Variants in IGSF10 observed in about 807,000 individuals in gnomAD.
The protein encoded by IGSF10 is immunoglobulin superfamily member 10.
In IGSF10, 126 loss-of-function variants were observed where a neutral mutation model predicts 128.2. The observed-to-expected ratio is 0.98, with a 90% CI of 0.85 to 1.14. The LOEUF is 1.14. Among genes scored for constraint, IGSF10 ranks in the 50% most tolerant of loss-of-function variants. The pLI, the probability that IGSF10 is intolerant of heterozygous loss-of-function variation, is 0.00. For synonymous variants in IGSF10, 1,185 were observed against 1,146.2 expected, an observed-to-expected ratio of 1.03 and a Z score of -0.68; for missense variants, 3,295 against 3,149.8, an observed-to-expected ratio of 1.05 and a Z score of -1.10.
chr3:151,445,406 G>A lies in IGSF10; in HGVS notation c.4575C>T (p.Ser1525=), dbSNP rs201949963. 1.6e-5 allele frequency: 26 copies of A among 1,614,098 alleles called. No homozygotes were observed. In the Admixed American group the frequency reaches 3.2e-4, roughly 20 times the overall value. The stretch of plus-strand genomic sequence containing the variant: ...ACTTGGCATTTGGGTGAACCTTGGG[G>A]GATGTTGCAACCTCTGCTACTAATT... ...PQQLVAEVAT[S]PKVHPNAKFT... The change falls in exon 6 of 8, where the codon TCC becomes TCT. Residue 1525 remains serine, a synonymous_variant. Coordinates refer to ENST00000282466, the MANE Select transcript of IGSF10 (RefSeq NM_178822.5).
the IGSF10 span, among the ~76,000 whole-genome samples, chr3:151,488,366 G>A: frequency 6.6e-6 from 1 of 152,084 alleles, no homozygotes; most frequent in Non-Finnish European, 1.5e-5. Context: ...TGGACAGGAA[G>A]AATCAATATC....
chr3:151,512,890 T>C, the IGSF10 span, among the ~76,000 whole-genome samples: 1 of 152,118 alleles, frequency 6.6e-6, no homozygotes, highest in Non-Finnish European at 1.5e-5. Context: ...CCTCGACACA[T>C]ACACCCTCCC....
At chr3:151,564,115 T>A in the IGSF10 span, among the ~76,000 whole-genome samples, 2 of 152,182 alleles carry the variant, frequency 1.3e-5, no homozygotes, top group Non-Finnish European at 2.9e-5. Context: ...CATCATCAGG[T>A]TTTACCACAA....
the IGSF10 span, among the ~76,000 whole-genome samples, chr3:151,468,190 G>C: frequency 2.0e-5 from 3 of 152,200 alleles, no homozygotes; most frequent in Non-Finnish European, 4.4e-5. Context: ...GCTTGGATGG[G>C]AAGTTACAGA....
At chr3:151,550,902 C>T in the IGSF10 span, among the ~76,000 whole-genome samples, 4 of 152,116 alleles carry the variant, frequency 2.6e-5, no homozygotes, top group Non-Finnish European at 5.9e-5. Context: ...TATGCTTGCC[C>T]GATAAATCTG....
chr3:151,470,963 A>C, the IGSF10 span, among the ~76,000 whole-genome samples: 1 of 152,224 alleles, frequency 6.6e-6, no homozygotes, highest in Admixed American at 6.5e-5. Context: ...TGATACTGTT[A>C]TCTCTGCCCA....
chr3:151,606,465 G>T, the IGSF10 span, among the ~76,000 whole-genome samples: 1 of 152,112 alleles, frequency 6.6e-6, no homozygotes, highest in African/African-American at 2.4e-5. Flanking sequence ...CTCCCCAATG[G>T]TAACATAAGC....
At chr3:151,460,766 G>C (rs1263713998) in intron 1 of IGSF10, among the ~76,000 whole-genome samples, 180 bp downstream of exon 1, 4 of 151,100 alleles carry the variant, frequency 2.6e-5, no homozygotes, top group African/African-American at 9.7e-5. Flanking sequence ...AGTCACCGAA[G>C]AATTGTCGTG....
the IGSF10 span, among the ~76,000 whole-genome samples, chr3:151,561,766 C>T: frequency 6.6e-6 from 1 of 151,956 alleles, no homozygotes; most frequent in African/African-American, 2.4e-5. Context: ...TCTCTGGTAA[C>T]CTGGGGAAGC....
the IGSF10 span, among the ~76,000 whole-genome samples, chr3:151,611,543 G>A: frequency 1.7e-4 from 26 of 152,180 alleles, no homozygotes; most frequent in Non-Finnish European, 3.1e-4. Flanking sequence ...CAAAAATAAT[G>A]TCTTTCGGAA....
chr3:151,611,544 T>G, the IGSF10 span, among the ~76,000 whole-genome samples: 1 of 152,170 alleles, frequency 6.6e-6, no homozygotes, highest in Non-Finnish European at 1.5e-5. Context: ...AAAAATAATG[T>G]CTTTCGGAAT....
the IGSF10 span, among the ~76,000 whole-genome samples, chr3:151,538,137 T>C: frequency 2.6e-5 from 4 of 152,154 alleles, no homozygotes; most frequent in Non-Finnish European, 4.4e-5. Flanking sequence ...ACCTACTAAT[T>C]GTCAGATGCA....
intron 4 of IGSF10, among the ~76,000 whole-genome samples, chr3:151,454,841 T>C (rs1057084795): frequency 4.0e-5 from 6 of 151,616 alleles, no homozygotes; most frequent in African/African-American, 9.7e-5. Flanking sequence ...TAAAAATACA[T>C]ATACACACAC....
At chr3:151,593,186 AG>A in the IGSF10 span, among the ~76,000 whole-genome samples, 1 of 152,176 alleles carries the variant, frequency 6.6e-6, no homozygotes, top group African/African-American at 2.4e-5. Flanking sequence ...GCTAGAGTGT[AG>A]GGACATGATG....
chr3:151,454,862 G>A (rs1009787148), intron 4 of IGSF10, among the ~76,000 whole-genome samples: 6 of 151,784 alleles, frequency 4.0e-5, no homozygotes, highest in South Asian at 4.2e-4. Context: ...AAAATTAGCC[G>A]GGCATGGTGG....
upstream of IGSF10, among the ~76,000 whole-genome samples, chr3:151,464,925 TA>T (rs1419033381): frequency 6.6e-6 from 1 of 152,220 alleles, no homozygotes; most frequent in Non-Finnish European, 1.5e-5. Context: ...TTGAAGACTT[TA>T]TATATAGTAT....
At chr3:151,512,343 C>A in the IGSF10 span, among the ~76,000 whole-genome samples, 8 of 150,804 alleles carry the variant, frequency 5.3e-5, no homozygotes, top group South Asian at 2.1e-4. Context: ...GAAACTGAAC[C>A]ACCTGCTCCT....
chr3:151,499,761 G>A, the IGSF10 span: 1 of 152,104 alleles, frequency 6.6e-6, no homozygotes, highest in Non-Finnish European at 1.5e-5. Context: ...GGATTAAAAT[G>A]CACTTTATAA....
the IGSF10 span, among the ~76,000 whole-genome samples, chr3:151,497,657 G>C: frequency 2.6e-5 from 4 of 152,076 alleles, no homozygotes; most frequent in African/African-American, 7.2e-5. Context: ...TTGGTGATGT[G>C]GGTTCTTTTT....
Sources: gnomAD v4.1 joint callset for allele counts (sites outside exome capture counted in the v4.1 genomes callset) on GRCh38, gnomAD v4.1.1 for gene constraint, MANE v1.5 for transcripts, NCBI Gene and HGNC (gene_info 2026-07-23, HGNC 2026-07-21) for gene names.